The following GPX5 variants were observed in gnomAD, a reference collection of about 807,000 sequenced individuals.
GPX5 encodes glutathione peroxidase 5.
GPX5 carries 20 observed loss-of-function variants against 23.8 expected under a neutral mutation model. That is an observed-to-expected ratio of 0.84 (90% CI 0.59 to 1.22). GPX5 has a LOEUF of 1.22. Among genes scored for constraint, GPX5 ranks in the 50% most tolerant of loss-of-function variants. The pLI, the probability that GPX5 is intolerant of heterozygous loss-of-function variation, is 0.00. For synonymous variants in GPX5, 92 were observed against 99.5 expected, an observed-to-expected ratio of 0.92 and a Z score of 0.45; for missense variants, 230 against 266.6, an observed-to-expected ratio of 0.86 and a Z score of 0.96.
chr6:28,532,450 C>G, intron 4 of GPX5, 30 bp downstream of exon 4: 1 of 1,345,296 alleles, frequency 7.4e-7, no homozygotes, highest in Non-Finnish European at 1.1e-6. Flanking sequence ...AAGCCTCCTC[C>G]TCTTTTCTAA....
intron 1 of GPX5, chr6:28,527,926 A>G (rs868034849): frequency 3.9e-5 from 6 of 152,216 alleles, no homozygotes; most frequent in African/African-American, 1.2e-4. Context: ...AGAACATGCA[A>G]TGAGAATTTC....
intron 1 of GPX5, 87 bp from the exon 2 acceptor site, chr6:28,529,364 C>A: frequency 1.9e-6 from 2 of 1,076,108 alleles, no homozygotes; most frequent in Non-Finnish European, 2.6e-6. Flanking sequence ...TTGGTTAGAA[C>A]ATAACTATTC....
At chr6:28,529,888 A>G in intron 2 of GPX5, 1 of 287,852 alleles carries the variant, frequency 3.5e-6, no homozygotes, top group Non-Finnish European at 6.4e-6. Flanking sequence ...TAGTAGTTGT[A>G]GGAGTAGTGA....
chr6:28,531,433 C>A, intron 2 of GPX5, among the ~76,000 whole-genome samples: 1 of 143,320 alleles, frequency 7.0e-6, no homozygotes, highest in African/African-American at 2.6e-5. Context: ...AGAAAAGTCA[C>A]CTGTTGAACT....
chr6:28,529,742 A>G (rs1225182016), intron 2 of GPX5, 138 bp downstream of exon 2: 1 of 780,150 alleles, frequency 1.3e-6, no homozygotes, highest in Non-Finnish European at 1.9e-6. Flanking sequence ...CATCCTCCAT[A>G]TCAGAAGTCA....
chr6:28,531,089 G>A (rs28382603), intron 2 of GPX5, among the ~76,000 whole-genome samples: 9,875 of 151,924 alleles, frequency 0.065, 368 homozygotes, highest in African/African-American at 0.089. Flanking sequence ...GTTGATTTCA[G>A]ATTTCTCTGT....
intron 2 of GPX5, among the ~76,000 whole-genome samples, chr6:28,530,770 T>C (rs1464571604): frequency 1.3e-5 from 2 of 152,146 alleles, no homozygotes; most frequent in African/African-American, 4.8e-5. Context: ...CAGAAGGACA[T>C]AGGGAGGGGT....
chr6:28,529,279 T>C, intron 1 of GPX5, 172 bp from the exon 2 acceptor site: 1 of 459,862 alleles, frequency 2.2e-6, no homozygotes. Flanking sequence ...CTTGATTTTT[T>C]ATTTCCAAGT....
chr6:28,528,763 G>A (rs886091690), intron 1 of GPX5, among the ~76,000 whole-genome samples: 1 of 147,288 alleles, frequency 6.8e-6, no homozygotes, highest in Non-Finnish European at 1.5e-5. Context: ...TGTGGAGGGG[G>A]GAGTGTACAT....
chr6:28,533,956 T>C lies in GPX5; in HGVS notation c.460-5T>C. ...TTGTTTCTCTTTTCCATCTCTCTGG[T>C]TTAGCACTCCTGTCCTCATCCCTCT... On this transcript the variant is annotated splice_polypyrimidine_tract_variant and splice_region_variant and intron_variant, in intron 4 of 4. Coordinates refer to ENST00000412168, the MANE Select transcript of GPX5 (RefSeq NM_001509.3). 6.6e-7 allele frequency: 1 copy of C among 1,512,386 alleles called. No homozygotes were observed. The highest frequency in any genetic ancestry group is 8.9e-7 in the Non-Finnish European group (1 of 1,128,420). 93.7% of individuals were successfully genotyped at this position (1,512,386 alleles called of 1,614,324 possible).
chr6:28,533,833 T>C, intron 4 of GPX5, 128 bp from the exon 5 acceptor site: 2 of 567,870 alleles, frequency 3.5e-6, no homozygotes, highest in Non-Finnish European at 6.1e-6. Flanking sequence ...TTTATGGAGT[T>C]TTTTAGGAAT....
At chr6:28,526,982 C>T (rs1763220192) in intron 1 of GPX5, 1 of 152,170 alleles carries the variant, frequency 6.6e-6, no homozygotes, top group Non-Finnish European at 1.5e-5. Flanking sequence ...AGATAACATC[C>T]TGGGTGAACT....
chr6:28,529,389 A>G, intron 1 of GPX5, 62 bp from the exon 2 acceptor site: 1 of 1,321,672 alleles, frequency 7.6e-7, no homozygotes, highest in South Asian at 1.6e-5. Flanking sequence ...ACTTCTTTGA[A>G]AGATTACACA....
intron 1 of GPX5, chr6:28,527,766 T>C (rs1286893551): frequency 2.0e-5 from 3 of 152,226 alleles, no homozygotes; most frequent in African/African-American, 7.2e-5. Flanking sequence ...CATGAGCAAT[T>C]TGTGGCAGCT....
In GPX5 at chr6:28,534,413, TA is replaced by T; in HGVS notation, c.*250del. The T allele has an allele frequency of 2.5e-6, 1 of 401,090 alleles. No individual in the cohort carries two copies. Among genetic ancestry groups the T allele is most frequent in the Non-Finnish European group, 4.4e-6 (1 of 226,850 alleles). 24.8% of individuals were successfully genotyped at this position (401,090 alleles called of 1,614,324 possible). On this transcript the variant is annotated 3_prime_UTR_variant, in exon 5 of 5. Transcript: ENST00000412168. ...GTGAAGACTGAAACAAATGGAAACC[TA>T]AAATCCCCAGACCTCTGTTACAGGT... is the stretch of plus-strand genomic sequence containing the variant.
intron 1 of GPX5, 122 bp downstream of exon 1, chr6:28,526,222 C>T (rs981984377): frequency 1.3e-6 from 1 of 763,890 alleles, no homozygotes; most frequent in Admixed American, 2.3e-5. Flanking sequence ...TTCCCCTAAA[C>T]CTTGCTTTTT....
At chr6:28,529,380 C>A in intron 1 of GPX5, 71 bp from the exon 2 acceptor site, 2 of 1,253,806 alleles carry the variant, frequency 1.6e-6, no homozygotes, top group Non-Finnish European at 2.2e-6. Flanking sequence ...TATTCTTTGA[C>A]TTCTTTGAAA....
In GPX5 at chr6:28,534,270, T is replaced by G; in HGVS notation, c.*103T>G. The G allele has an allele frequency of 4.1e-6, 3 of 726,174 alleles. No individual in the cohort carries two copies. The highest frequency in any genetic ancestry group is 6.5e-6 in the Non-Finnish European group (3 of 462,412). 45.0% of individuals were successfully genotyped at this position (726,174 alleles called of 1,614,324 possible). A position where few individuals can be genotyped will look rare whatever the true frequency, so the allele number is the denominator to read the frequency against. On this transcript the variant is annotated 3_prime_UTR_variant, in exon 5 of 5. Transcript: ENST00000412168. ...ATACCCATCTTCTCACCACACTCTC[T>G]TCCTGCATGGGCTCCACCTGAGTAA...
rs1249534480 is a variant in GPX5, at chr6:28,534,326, T to G, written c.*159T>G. On this transcript the variant is annotated 3_prime_UTR_variant, in exon 5 of 5. Coordinates refer to ENST00000412168, the MANE Select transcript of GPX5 (RefSeq NM_001509.3). ...CGCCACATACTGCCAGAATTCCCAC[T>G]CTCCACAAACTAGATTTATATTTGG... 1 of 494,862 alleles carries G rather than the reference T, an allele frequency of 2.0e-6. No homozygotes were observed. Among genetic ancestry groups the G allele is most frequent in the Non-Finnish European group, 3.5e-6 (1 of 283,454 alleles). The allele number at this position is 494,862 out of a possible 1,614,324, so 30.7% of individuals were successfully genotyped here. A position where few individuals can be genotyped will look rare whatever the true frequency, so the allele number is the denominator to read the frequency against.
Sources: allele counts gnomAD v4.1 joint callset (sites outside exome capture counted in the v4.1 genomes callset), GRCh38; gene constraint gnomAD v4.1.1; transcripts MANE v1.5; gene names NCBI Gene and HGNC (gene_info 2026-07-23, HGNC 2026-07-21).